The following ULK4 variants were observed in gnomAD, a reference collection of about 807,000 sequenced individuals.
The protein encoded by ULK4 is inactive serine/threonine-protein kinase ULK4.
In ULK4, 133 loss-of-function variants were observed where a neutral mutation model predicts 160.6. The ratio of observed to expected loss-of-function variants is 0.83; its 90% CI spans 0.72 to 0.96. The LOEUF is 0.96. Ranked by LOEUF, ULK4 falls within the 40% of genes least tolerant of loss-of-function variation. The probability of loss-of-function intolerance (pLI) is 0.00; values close to 1 mark genes in which losing one functional copy is unlikely to be tolerated. For synonymous variants in ULK4, 534 were observed against 539.8 expected, an observed-to-expected ratio of 0.99 and a Z score of 0.15; for missense variants, 1,580 against 1,499.5, an observed-to-expected ratio of 1.05 and a Z score of -0.89.
intron 20 of ULK4, among the ~76,000 whole-genome samples, chr3:41,799,526 C>A (rs1320356268): frequency 6.6e-6 from 1 of 152,168 alleles, no homozygotes; most frequent in African/African-American, 2.4e-5. Flanking sequence ...AAACCAAACC[C>A]TGTACCCTAT....
intron 30 of ULK4, among the ~76,000 whole-genome samples, chr3:41,651,504 C>A (rs1398135295): frequency 6.6e-6 from 1 of 152,170 alleles, no homozygotes; most frequent in African/African-American, 2.4e-5. Context: ...AATGCCAGGA[C>A]GTTGTTTGTT....
chr3:41,630,947 C>T (rs2033714561), intron 30 of ULK4, among the ~76,000 whole-genome samples: 1 of 152,148 alleles, frequency 6.6e-6, no homozygotes, highest in Non-Finnish European at 1.5e-5. Flanking sequence ...TTTTTGTTTA[C>T]ATAATTTACC....
chr3:41,736,412 C>T (rs1355649483), intron 22 of ULK4, among the ~76,000 whole-genome samples: 29 of 151,770 alleles, frequency 1.9e-4, no homozygotes, highest in East Asian at 7.7e-4. Context: ...TATCTCACTG[C>T]GGTTTTGATT....
At chr3:41,898,318 T>C (rs1698238757) in intron 14 of ULK4, 114 bp downstream of exon 14, 4 of 661,356 alleles carry the variant, frequency 6.0e-6, no homozygotes, top group African/African-American at 1.9e-5. Flanking sequence ...ATATAGCCAA[T>C]TGTCAAGACA....
intron 18 of ULK4, among the ~76,000 whole-genome samples, chr3:41,828,846 T>C (rs1173179467): frequency 2.0e-5 from 3 of 152,166 alleles, no homozygotes; most frequent in African/African-American, 7.2e-5. Context: ...AAGTCAATCC[T>C]AAGCCAAAAG....
At chr3:41,797,980 C>T (rs2040353069) in intron 20 of ULK4, among the ~76,000 whole-genome samples, 1 of 151,622 alleles carries the variant, frequency 6.6e-6, no homozygotes, top group Admixed American at 6.6e-5. Flanking sequence ...AACCCATGCT[C>T]CTGAACAGGA....
chr3:41,873,644 C>G (rs188120342), intron 17 of ULK4, among the ~76,000 whole-genome samples: 180 of 152,266 alleles, frequency 1.2e-3, no homozygotes, highest in Admixed American at 4.7e-3. Flanking sequence ...ACCTCTGCCT[C>G]CCGGGTTCAA....
chr3:41,592,235 GGAGCTGAGTCAATTTAGA>G (rs551315830), intron 31 of ULK4, among the ~76,000 whole-genome samples: 6 of 152,176 alleles, frequency 3.9e-5, no homozygotes, highest in African/African-American at 9.7e-5. Flanking sequence ...ACTTTTACCT[GGAGCTGAGTCAATTTAGA>G]GAGCTGAGTC....
At chr3:41,703,744 C>CT (rs1258570277) in intron 27 of ULK4, among the ~76,000 whole-genome samples, 3 of 151,728 alleles carry the variant, frequency 2.0e-5, no homozygotes, top group Non-Finnish European at 4.4e-5. Flanking sequence ...CCAAATCTGT[C>CT]TTAAAAAAAA....
At chr3:41,812,038 C>A (rs150118626) in intron 19 of ULK4, among the ~76,000 whole-genome samples, 14 of 152,218 alleles carry the variant, frequency 9.2e-5, no homozygotes, top group African/African-American at 3.4e-4. Flanking sequence ...TTCCTTCCAG[C>A]GCTTTGGGAA....
chr3:41,793,397 A>C (rs765737040), intron 20 of ULK4, among the ~76,000 whole-genome samples: 2 of 152,210 alleles, frequency 1.3e-5, no homozygotes, highest in African/African-American at 2.4e-5. Context: ...TATGAGCAGA[A>C]TCACCAAGGA....
At chr3:41,817,813 A>G (rs1371413392) in intron 19 of ULK4, among the ~76,000 whole-genome samples, 4 of 152,176 alleles carry the variant, frequency 2.6e-5, no homozygotes, top group Non-Finnish European at 5.9e-5. Flanking sequence ...AAGGACTTCA[A>G]CTCAAGAGCA....
intron 32 of ULK4, among the ~76,000 whole-genome samples, chr3:41,506,769 T>TATAAAAAAAAAAA (rs2085397889): frequency 3.2e-5 from 1 of 31,616 alleles, no homozygotes; most frequent in Admixed American, 6.2e-4. Context: ...TGATTTAAAA[T>TATAAAAAAAAAAA]ATATATATAT....
At chr3:41,661,735 A>G (rs192214635) in intron 30 of ULK4, among the ~76,000 whole-genome samples, 3 of 152,322 alleles carry the variant, frequency 2.0e-5, no homozygotes, top group African/African-American at 7.2e-5. Flanking sequence ...ATATTCAAAT[A>G]TTACTTGTTC....
intron 2 of ULK4, among the ~76,000 whole-genome samples, chr3:41,945,127 T>G (rs978345211): frequency 3.3e-5 from 5 of 152,098 alleles, no homozygotes; most frequent in Non-Finnish European, 7.4e-5. Flanking sequence ...CCTGTCTCCA[T>G]CAGAACATTA....
chr3:41,862,334 T>C (rs1405126464), intron 17 of ULK4, among the ~76,000 whole-genome samples: 2 of 152,234 alleles, frequency 1.3e-5, no homozygotes, highest in African/African-American at 2.4e-5. Flanking sequence ...TTCCTCAACA[T>C]AGCTATTTTG....
chr3:41,785,492 A>G (rs917062455), intron 21 of ULK4, among the ~76,000 whole-genome samples: 6 of 152,140 alleles, frequency 3.9e-5, no homozygotes, highest in African/African-American at 1.4e-4. Context: ...GCAAACAGTA[A>G]TTTCTTTTAT....
At chr3:41,944,488 T>G (rs1271439434) in intron 2 of ULK4, among the ~76,000 whole-genome samples, 8 of 152,140 alleles carry the variant, frequency 5.3e-5, no homozygotes, top group Non-Finnish European at 1.0e-4. Context: ...TCCTGATAAT[T>G]CTTTCCATCT....
intron 29 of ULK4, among the ~76,000 whole-genome samples, chr3:41,667,207 T>C (rs1232726910): frequency 6.6e-6 from 1 of 151,820 alleles, no homozygotes; most frequent in Non-Finnish European, 1.5e-5. Context: ...GAAACATTAC[T>C]GACTGAAATC....
Sources: allele counts gnomAD v4.1 joint callset (sites outside exome capture counted in the v4.1 genomes callset), GRCh38; gene constraint gnomAD v4.1.1; transcripts MANE v1.5; gene names NCBI Gene and HGNC (gene_info 2026-07-23, HGNC 2026-07-21).